Variants in BBS9 observed in about 807,000 individuals in gnomAD.
The protein encoded by BBS9 is Bardet-Biedl syndrome 9.
BBS9 carries 89 observed loss-of-function variants against 117.7 expected under a neutral mutation model. The observed-to-expected ratio is 0.76, with a 90% CI of 0.64 to 0.90. BBS9 has a LOEUF of 0.90. Among genes scored for constraint, BBS9 ranks in the 40% least tolerant of loss-of-function variants. BBS9 has a pLI of 0.00. For missense variants in BBS9, 982 were observed against 1,042.2 expected (o/e 0.94, Z 0.80); for synonymous variants, 379 against 370.9 (o/e 1.02, Z -0.25).
intron 21 of BBS9, among the ~76,000 whole-genome samples, chr7:33,535,939 A>C (rs530249383): frequency 4.2e-4 from 64 of 152,158 alleles, no homozygotes; most frequent in African/African-American, 1.5e-3. Context: ...GGGATCCTCA[A>C]ATCCCTGTCT....
chr7:33,621,381 GA>G (rs1865398072), intron 21 of BBS9, among the ~76,000 whole-genome samples: 1 of 152,048 alleles, frequency 6.6e-6, no homozygotes, highest in Non-Finnish European at 1.5e-5. Flanking sequence ...ATGGGCAAAG[GA>G]CCTGAATAGA....
In BBS9 at chr7:33,349,113, G is replaced by A; in HGVS notation, c.1375G>A (p.Val459Ile). 6.2e-7 allele frequency: 1 copy of A among 1,613,460 alleles called. No homozygotes were observed. Among genetic ancestry groups the A allele is most frequent in the East Asian group, 2.2e-5 (1 of 44,788 alleles). ...RVILQKAKLSVYVQPPLELTC... is the reference protein window; with the variant it reads ...RVILQKAKLSIYVQPPLELTC... Reference sequence around the variant, plus strand: ...GATATTGCAAAAAGCCAAATTATCAGTCTACGTGCAACCACCATTAGAATT... The same window carrying A: ...GATATTGCAAAAAGCCAAATTATCAATCTACGTGCAACCACCATTAGAATT... Residue 459 changes from valine to isoleucine, a missense_variant, in exon 13 of 23, where the codon GTC becomes ATC. Transcript: ENST00000242067.
chr7:33,610,193 T>C (rs752166649), downstream of BBS9, among the ~76,000 whole-genome samples: 15 of 152,108 alleles, frequency 9.9e-5, no homozygotes, highest in Non-Finnish European at 2.2e-4. Flanking sequence ...CTTTAAATTA[T>C]TGGTTTGTTA....
intron 19 of BBS9, among the ~76,000 whole-genome samples, chr7:33,484,862 T>C (rs1055660395): frequency 7.2e-5 from 11 of 152,216 alleles, no homozygotes; most frequent in Non-Finnish European, 1.6e-4. Context: ...ATTGCAGCAC[T>C]ATTCACAACA....
At chr7:33,433,139 T>A (rs568417343) in intron 19 of BBS9, among the ~76,000 whole-genome samples, 2 of 152,332 alleles carry the variant, frequency 1.3e-5, no homozygotes, top group East Asian at 3.9e-4. Context: ...CTCTTTTATA[T>A]ATTTTATTTC....
intron 19 of BBS9, among the ~76,000 whole-genome samples, chr7:33,489,712 G>C (rs550157850): frequency 6.6e-6 from 1 of 152,252 alleles, no homozygotes; most frequent in South Asian, 2.1e-4. Context: ...GAATTAAAAT[G>C]ATGGCCACAG....
intron 5 of BBS9, among the ~76,000 whole-genome samples, chr7:33,198,922 A>C (rs1004262749): frequency 6.6e-6 from 1 of 152,018 alleles, no homozygotes; most frequent in Non-Finnish European, 1.5e-5. Flanking sequence ...AACAGTGCCT[A>C]GCACTATTAA....
chr7:33,281,231 T>C (rs1461296269), intron 9 of BBS9, among the ~76,000 whole-genome samples: 1 of 151,950 alleles, frequency 6.6e-6, no homozygotes, highest in African/African-American at 2.4e-5. Context: ...CTGTTTTTTT[T>C]GGTGAGTTAA....
intron 19 of BBS9, among the ~76,000 whole-genome samples, chr7:33,395,273 G>A (rs757869546): frequency 4.3e-4 from 66 of 152,108 alleles, no homozygotes; most frequent in Admixed American, 1.2e-3. Context: ...TTATACCTAA[G>A]TTTAGCTTCT....
chr7:33,152,644 A>C, intron 2 of BBS9, 57 bp from the exon 3 acceptor site: 11 of 1,487,290 alleles, frequency 7.4e-6, no homozygotes, highest in Non-Finnish European at 9.3e-6. Flanking sequence ...TTATTTCCTA[A>C]GAGATTTGCT....
At chr7:33,368,655 A>G (rs961787278) in intron 17 of BBS9, among the ~76,000 whole-genome samples, 1 of 151,554 alleles carries the variant, frequency 6.6e-6, no homozygotes, top group Non-Finnish European at 1.5e-5. Flanking sequence ...AGGACATTCC[A>G]ATTAAAAAAA....
chr7:33,499,840 A>C (rs1185138855), intron 19 of BBS9, among the ~76,000 whole-genome samples: 1 of 152,218 alleles, frequency 6.6e-6, no homozygotes, highest in East Asian at 1.9e-4. Flanking sequence ...CCTGGCTCCT[A>C]GATACCCTTC....
At chr7:33,460,777 T>G (rs1839347000) in intron 19 of BBS9, among the ~76,000 whole-genome samples, 1 of 152,048 alleles carries the variant, frequency 6.6e-6, no homozygotes, top group Non-Finnish European at 1.5e-5. Flanking sequence ...AAGCGAAGAA[T>G]TCATTGACAT....
At chr7:33,292,235 T>C (rs1404644657) in intron 9 of BBS9, among the ~76,000 whole-genome samples, 1 of 152,026 alleles carries the variant, frequency 6.6e-6, no homozygotes, top group Non-Finnish European at 1.5e-5. Context: ...AATGTTTTTT[T>C]TTTTCCCCCT....
At chr7:33,301,801 G>T (rs1474597369) in intron 9 of BBS9, among the ~76,000 whole-genome samples, 1 of 152,038 alleles carries the variant, frequency 6.6e-6, no homozygotes. Flanking sequence ...GAGGGAGTGG[G>T]ATTGCTGGAT....
intron 4 of BBS9, among the ~76,000 whole-genome samples, chr7:33,173,094 A>G (rs577822598): frequency 1.3e-5 from 2 of 152,330 alleles, no homozygotes; most frequent in African/African-American, 4.8e-5. Context: ...TTCTTAACTA[A>G]AATTACTGAG....
At chr7:33,383,525 T>G (rs1244060572) in intron 17 of BBS9, 141 bp from the exon 18 acceptor site, 1 of 774,272 alleles carries the variant, frequency 1.3e-6, no homozygotes, top group Admixed American at 2.5e-5. Context: ...GTGAAAGTAT[T>G]TTTATAAAGC....
At chr7:33,236,110 T>C (rs1168397482) in intron 5 of BBS9, among the ~76,000 whole-genome samples, 1 of 152,066 alleles carries the variant, frequency 6.6e-6, no homozygotes, top group Non-Finnish European at 1.5e-5. Context: ...GGTGATCACC[T>C]GAGGTTGGGA....
At chr7:33,601,178 T>C (rs1188788205) in intron 21 of BBS9, among the ~76,000 whole-genome samples, 3 of 152,182 alleles carry the variant, frequency 2.0e-5, no homozygotes, top group African/African-American at 7.2e-5. Context: ...GGTAGAGTGC[T>C]CAGCACACAG....
Sources: allele counts gnomAD v4.1 joint callset (sites outside exome capture counted in the v4.1 genomes callset), GRCh38; gene constraint gnomAD v4.1.1; transcripts MANE v1.5; gene names NCBI Gene and HGNC (gene_info 2026-07-23, HGNC 2026-07-21).